Variants in SLC2A2 observed in about 807,000 individuals in gnomAD.
SLC2A2 encodes solute carrier family 2 member 2, also known as solute carrier family 2, facilitated glucose transporter member 2.
Under a neutral mutation model 54.5 loss-of-function variants are expected in SLC2A2, and 36 were observed. The observed-to-expected ratio is 0.66, with a 90% confidence interval of 0.51 to 0.87. The LOEUF (loss-of-function observed/expected upper bound fraction) is 0.87, where lower values mean the gene tolerates loss of function less well. Ranked by LOEUF, SLC2A2 falls within the 40% of genes least tolerant of loss-of-function variation. SLC2A2 has a pLI of 0.00. For missense variants in SLC2A2, 543 were observed against 624.3 expected (o/e 0.87, Z 1.39); for synonymous variants, 223 against 219.1 (o/e 1.02, Z -0.16).
At position 170,996,390 on chromosome 3, in the gene SLC2A2, A is replaced by C. The variant is rs988203263; in HGVS notation, c.*1513T>G. The C allele has an allele frequency of 5.2e-5, 20 of 382,460 alleles. No individual in the cohort carries two copies. The highest frequency in any genetic ancestry group is 3.6e-4 in the Admixed American group (8 of 22,244). 23.7% of individuals were successfully genotyped at this position (382,460 alleles called of 1,614,324 possible). The stretch of plus-strand genomic sequence containing the variant: ...TGTTCTTTGGACTGCTAAATTACAT[A>C]TATGTGAACAACTTTAGAAAACAAA... On this transcript the variant is annotated 3_prime_UTR_variant, in exon 11 of 11. Transcript: ENST00000314251.
Position 171,018,449 on chromosome 3 carries a change from T to A in SLC2A2, c.108+82A>T, listed in dbSNP as rs934748167. 6 of 998,388 alleles carry A rather than the reference T, an allele frequency of 6.0e-6. No homozygotes were observed. The African/African-American group carries it at 9.5e-5, about 16-fold the overall frequency. 61.8% of individuals were successfully genotyped at this position (998,388 alleles called of 1,614,324 possible). ...CCTTGTGTCTCCCACGTGGACACCC[T>A]TTATCTCTGTGTATGAGGAACATAT... On this transcript the variant is annotated intron_variant, in intron 2 of 10. Coordinates refer to ENST00000314251, the MANE Select transcript of SLC2A2 (RefSeq NM_000340.2).
In SLC2A2 at chr3:170,997,330, T is replaced by G. The variant is rs971719151; in HGVS notation, c.*573A>C. Reference sequence around the variant, plus strand: ...AAAGTTTTTCTCTATAGACATTTTTTAGTATACTCTATAATCCATTCCACA... The same window carrying G: ...AAAGTTTTTCTCTATAGACATTTTTGAGTATACTCTATAATCCATTCCACA... On this transcript the variant is annotated 3_prime_UTR_variant, in exon 11 of 11. Transcript: ENST00000314251. 2 of 152,178 alleles carry G rather than the reference T, an allele frequency of 1.3e-5. No individual in the cohort carries two copies. Among genetic ancestry groups the G allele is most frequent in the Non-Finnish European group, 2.9e-5 (2 of 68,042 alleles). 9.4% of individuals were successfully genotyped at this position (152,178 alleles called of 1,614,324 possible).
intron 9 of SLC2A2, 37 bp from the exon 10 acceptor site, chr3:170,998,433 T>C: frequency 6.4e-7 from 1 of 1,563,700 alleles, no homozygotes; most frequent in African/African-American, 1.4e-5. Flanking sequence ...GGGACTGAGA[T>C]CATTTGGCTG....
intron 8 of SLC2A2, among the ~76,000 whole-genome samples, chr3:171,001,587 A>G (rs1195459721): frequency 4.6e-5 from 7 of 152,176 alleles, no homozygotes; most frequent in African/African-American, 1.7e-4. Flanking sequence ...AAGTGACTAA[A>G]TTATATTGAG....
At position 170,998,284 on chromosome 3, in the gene SLC2A2, C is replaced by G; in HGVS notation, c.1283G>C (p.Ser428Thr). The change falls in exon 10 of 11, where the codon AGT becomes ACT. Residue 428 changes from serine to threonine, a missense_variant. Physicochemically the swap from Ser to Thr is moderately conservative, Grantham distance 58 (BLOSUM62 1). Coordinates refer to ENST00000314251, the MANE Select transcript of SLC2A2 (RefSeq NM_000340.2). ...IPWFMVAEFF[S>T]QGPRPAALAI... The stretch of plus-strand genomic sequence containing the variant: ...TAAAGCAGCAGGACGTGGTCCTTGA[C>G]TGAAAAACTCAGCCACCATGAACCA... 6.2e-7 allele frequency: 1 copy of G among 1,613,838 alleles called. No homozygotes were observed. Among genetic ancestry groups the G allele is most frequent in the Non-Finnish European group, 8.5e-7 (1 of 1,179,812 alleles).
At position 171,002,503 on chromosome 3, in the gene SLC2A2, C is replaced by G. The variant is rs537624254; in HGVS notation, c.1068+73G>C. ...ATAAGTCATTGATTGCTTTTAGAGC[C>G]GAAGTTCCCCACCCCTCCTGCAATT... On this transcript the variant is annotated intron_variant, in intron 8 of 10. Coordinates refer to ENST00000314251, the MANE Select transcript of SLC2A2 (RefSeq NM_000340.2). 11 of 943,104 alleles carry G rather than the reference C, an allele frequency of 1.2e-5. No individual in the cohort carries two copies. The South Asian group carries it at 1.5e-4, about 13-fold the overall frequency. 58.4% of individuals were successfully genotyped at this position (943,104 alleles called of 1,614,324 possible).
At position 171,014,653 on chromosome 3, in the gene SLC2A2, TG is replaced by T; in HGVS notation, c.186del (p.Asn62LysfsTer13). ...DRKAINNYVI[N>X]STDELPTISY... The stretch of plus-strand genomic sequence containing the variant: ...GAGATTGTGGGCAGTTCATCTGTAC[TG>T]TTGATAACATAGTTGTTGATAGCTT... On this transcript the variant is annotated frameshift_variant, in exon 3 of 11. Coordinates refer to ENST00000314251, the MANE Select transcript of SLC2A2 (RefSeq NM_000340.2). LOFTEE classifies it high-confidence loss of function. The T allele has an allele frequency of 6.2e-7, 1 of 1,614,114 alleles. No homozygotes were observed.
chr3:171,024,330 T>A (rs1716592859), intron 1 of SLC2A2, among the ~76,000 whole-genome samples: 1 of 152,192 alleles, frequency 6.6e-6, no homozygotes, highest in Non-Finnish European at 1.5e-5. Flanking sequence ...TACCACAAAG[T>A]ACATGAAATT....
chr3:171,003,444 G>T (rs1715434867), intron 7 of SLC2A2, among the ~76,000 whole-genome samples: 1 of 151,104 alleles, frequency 6.6e-6, no homozygotes. Context: ...TTTTTTTTGG[G>T]GGGGAGGGTG....
At position 170,997,948 on chromosome 3, in the gene SLC2A2, T is replaced by G. The variant is rs776597156; in HGVS notation, c.1530A>C (p.Lys510Asn). ...QKKSGSAHRPKAAVEMKFLGA... is the reference protein window; with the variant it reads ...QKKSGSAHRPNAAVEMKFLGA... ...CTAGGAATTTCATTTCTACAGCAGC[T>G]TTTGGCCTGTGGGCTGAGCCACTCT... The change falls in exon 11 of 11, where the codon AAA (lysine) becomes AAC (asparagine). Residue 510 changes from lysine (K) to asparagine (N), a missense_variant. Lys to Asn is a moderately conservative substitution (Grantham distance 94). Around this residue, in one of 3 missense-constraint regions of SLC2A2, gnomAD observed 108 missense variants for 101.3 expected, o/e 1.07. Transcript: ENST00000314251. 3.8e-5 allele frequency: 62 copies of G among 1,613,516 alleles called. No individual in the cohort carries two copies. Among genetic ancestry groups the G allele is most frequent in the African/African-American group, 5.3e-5 (4 of 74,874 alleles).
Position 171,005,269 on chromosome 3 carries a change from G to A in SLC2A2, c.963+16C>T, listed in dbSNP as rs771414460. On this transcript the variant is annotated intron_variant, in intron 7 of 10. Transcript: ENST00000314251. ...TCACTGTGCTCTTAAGAGTTAGTGG[G>A]TGTTCTTAAACTTACGCCATTGATT... 1 of 1,607,592 alleles carries A rather than the reference G, an allele frequency of 6.2e-7. No homozygotes were observed. The highest frequency in any genetic ancestry group is 8.5e-7 in the Non-Finnish European group (1 of 1,174,456).
chr3:171,009,981 C>T lies in SLC2A2; in HGVS notation c.473G>A (p.Arg158Lys), dbSNP rs1278964539. 6.2e-7 allele frequency: 1 copy of T among 1,600,602 alleles called. No homozygotes were observed. Among genetic ancestry groups the T allele is most frequent in the Admixed American group, 1.7e-5 (1 of 59,196 alleles). ...ACCACAATATAGTCCTGATATGCTT[C>T]TTCCAGCAATTATAAGTATATGAGA... ...GPSHILIIAG[R>K]SISGLYCGLI... Residue 158 changes from arginine to lysine, a missense_variant, in exon 4 of 11, where the codon AGA becomes AAA. By Grantham distance (26) the Arg-to-Lys change is conservative. Around this residue, in one of 3 missense-constraint regions of SLC2A2, gnomAD observed 318 missense variants for 343.8 expected, o/e 0.93. Transcript: ENST00000314251.
chr3:171,020,967 A>C (rs1020660889), intron 1 of SLC2A2, among the ~76,000 whole-genome samples: 26 of 151,314 alleles, frequency 1.7e-4, no homozygotes, highest in African/African-American at 6.3e-4. Flanking sequence ...TATCTTACAT[A>C]TAAGATATAT....
chr3:171,009,343 C>A (rs866740682), intron 4 of SLC2A2, among the ~76,000 whole-genome samples: 1 of 152,054 alleles, frequency 6.6e-6, no homozygotes, highest in Non-Finnish European at 1.5e-5. Flanking sequence ...CTCTCTGATT[C>A]ACTTTCCCTA....
rs550267496 is a variant in SLC2A2 at position 171,008,799 on chromosome 3, T to C, written c.496+1159A>G. On this transcript the variant is annotated intron_variant, in intron 4 of 10. Coordinates refer to ENST00000314251, the MANE Select transcript of SLC2A2 (RefSeq NM_000340.2). ...AGAGACAGTGCCAGAATTTATTTGC[T>C]CTGAATTCAAAGCCCTTTCCACATT... 5.1e-4 allele frequency among the ~76,000 whole-genome samples: 78 copies of C among 152,202 alleles called. No homozygotes were observed. The South Asian group carries it at 7.1e-3, about 14-fold the overall frequency.
intron 5 of SLC2A2, 140 bp downstream of exon 5, chr3:171,007,008 T>A: frequency 1.4e-6 from 1 of 698,936 alleles, no homozygotes; most frequent in Middle Eastern, 2.6e-4. Context: ...TCTGTGCTGG[T>A]CTACAGTGAG....
At chr3:171,016,249 A>G (rs1289661204) in intron 2 of SLC2A2, among the ~76,000 whole-genome samples, 1 of 152,188 alleles carries the variant, frequency 6.6e-6, no homozygotes, top group East Asian at 1.9e-4. Context: ...AGCCTGGCCA[A>G]CGTGGCAAAA....
chr3:171,010,719 A>C (rs1715842239), intron 3 of SLC2A2, among the ~76,000 whole-genome samples: 1 of 152,092 alleles, frequency 6.6e-6, no homozygotes, highest in African/African-American at 2.4e-5. Flanking sequence ...TTATCTAGAG[A>C]ATTATAATTA....
At chr3:171,002,542 A>G (rs1485421077) in intron 8 of SLC2A2, 34 bp downstream of exon 8, 1 of 1,384,492 alleles carries the variant, frequency 7.2e-7, no homozygotes, top group African/African-American at 1.4e-5. Flanking sequence ...GGACTAAGGA[A>G]CAAGCAGAGT....
Sources: gnomAD v4.1 joint callset for allele counts (sites outside exome capture counted in the v4.1 genomes callset) on GRCh38, gnomAD v4.1.1 for gene constraint, gnomAD v4.1.1 regional missense constraint, MANE v1.5 for transcripts, NCBI Gene and HGNC (gene_info 2026-07-23, HGNC 2026-07-21) for gene names.